ADCY7: variants seen among roughly 807,000 people sequenced by gnomAD.
The protein encoded by ADCY7 is adenylate cyclase type 7.
A neutral mutation model predicts 120.6 loss-of-function variants in ADCY7; 72 were observed. The ratio of observed to expected loss-of-function variants is 0.60; its 90% CI spans 0.49 to 0.73. The LOEUF (loss-of-function observed/expected upper bound fraction) is 0.73, where lower values mean the gene tolerates loss of function less well. ADCY7 is among the 30% of genes least tolerant of loss of function. The probability of loss-of-function intolerance (pLI) is 0.00; values close to 1 mark genes in which losing one functional copy is unlikely to be tolerated. For missense variants in ADCY7, 1,227 were observed against 1,486.0 expected (o/e 0.83, Z 2.87); for synonymous variants, 661 against 628.0 (o/e 1.05, Z -0.78).
In ADCY7 at chr16:50,259,701, T is replaced by G. The variant is rs528520656; in HGVS notation, c.-64+13498T>G. On this transcript the variant is annotated intron_variant, in intron 1 of 4. Transcript: ENST00000564044. Reference sequence around the variant, plus strand: ...AGCAGCAGCGATTTAGGAGGGGCAGTAGCCGCAGGGTGCCGGGTTTAATGG... The same window carrying G: ...AGCAGCAGCGATTTAGGAGGGGCAGGAGCCGCAGGGTGCCGGGTTTAATGG... 3.9e-5 allele frequency among the ~76,000 whole-genome samples: 6 copies of G among 152,310 alleles called. 1 individual carries two copies. In the South Asian group the frequency reaches 1.2e-3, roughly 32 times the overall value.
intron 19 of ADCY7, among the ~76,000 whole-genome samples, 199 bp downstream of exon 19, chr16:50,311,079 G>A (rs1056510308): frequency 4.6e-5 from 7 of 152,154 alleles, no homozygotes; most frequent in Non-Finnish European, 7.4e-5. Flanking sequence ...AGAGGCCACC[G>A]GGTCATCCTG....
At chr16:50,285,216 G>A (rs1364252991) in intron 1 of ADCY7, among the ~76,000 whole-genome samples, 2 of 152,256 alleles carry the variant, frequency 1.3e-5, no homozygotes, top group South Asian at 2.1e-4. Flanking sequence ...CACTTTGACA[G>A]CTCTTGGCCA....
chr16:50,283,067 A>G (rs991161288), intron 1 of ADCY7, among the ~76,000 whole-genome samples: 5 of 151,784 alleles, frequency 3.3e-5, no homozygotes, highest in Admixed American at 6.6e-5. Flanking sequence ...GCAGGGGCAC[A>G]CTCTTACCTC....
rs773092629 is a variant in ADCY7, at chr16:50,310,711, G to A, written c.2185G>A (p.Gly729Ser). The A allele has an allele frequency of 6.2e-7, 1 of 1,614,050 alleles. No individual in the cohort carries two copies. The highest frequency in any genetic ancestry group is 1.1e-5 in the South Asian group (1 of 91,070). Residue 729 changes from glycine to serine, a missense_variant, in exon 19 of 26, where the codon GGC (glycine) becomes AGC (serine). Around this residue, in one of 5 missense-constraint regions of ADCY7, gnomAD observed 267 missense variants for 270.0 expected, o/e 0.99. Coordinates refer to ENST00000673801, the MANE Select transcript of ADCY7 (RefSeq NM_001114.5). ...LPYYTCSCVL[G>S]FIACSVFLRM... ...GTACTACACCTGCAGCTGTGTCCTG[G>A]GCTTCATCGCCTGCTCGGTCTTCCT...
In ADCY7 at chr16:50,290,493, T is replaced by C; in HGVS notation, c.208T>C (p.Phe70Leu). ...SRHQAILGMAFLVLAVFAALS... is the reference protein window; with the variant it reads ...SRHQAILGMALLVLAVFAALS... ...ACACCAGGCCATTCTGGGCATGGCGTTCCTGGTGCTGGCGGTGTTTGCGGC... is the reference window on the plus strand; with the variant it reads ...ACACCAGGCCATTCTGGGCATGGCGCTCCTGGTGCTGGCGGTGTTTGCGGC... Residue 70 changes from phenylalanine to leucine, a missense_variant, in exon 3 of 26, where the codon TTC (phenylalanine) becomes CTC (leucine). By Grantham distance (22) the Phe-to-Leu change is conservative. Transcript: ENST00000673801. The C allele has an allele frequency of 6.2e-7, 1 of 1,614,208 alleles. No homozygotes were observed. Among genetic ancestry groups the C allele is most frequent in the Non-Finnish European group, 8.5e-7 (1 of 1,180,040 alleles).
intron 1 of ADCY7, among the ~76,000 whole-genome samples, chr16:50,258,247 A>G (rs933879694): frequency 2.0e-4 from 30 of 152,148 alleles, no homozygotes; most frequent in Admixed American, 1.6e-3. Context: ...TTAAAAAATA[A>G]TAATAATCAG....
chr16:50,271,084 C>T (rs962961965), intron 1 of ADCY7, among the ~76,000 whole-genome samples: 4 of 152,354 alleles, frequency 2.6e-5, no homozygotes, highest in South Asian at 2.1e-4. Flanking sequence ...AAGCACCCTC[C>T]GTTCCCTGCT....
chr16:50,291,773 C>T lies in ADCY7; in HGVS notation c.413C>T (p.Thr138Ile). ...FFLFIVFVVY[T>I]LLPFSMRGAV... ...CTGTTCATTGTCTTCGTGGTGTACACACTACTGCCCTTCAGCATGCGGGGC... is the reference window on the plus strand; with the variant it reads ...CTGTTCATTGTCTTCGTGGTGTACATACTACTGCCCTTCAGCATGCGGGGC... The change falls in exon 4 of 26, where the codon ACA becomes ATA. Residue 138 changes from threonine (T) to isoleucine (I), a missense_variant. Physicochemically the swap from Thr to Ile is moderately conservative, Grantham distance 89 (BLOSUM62 -1). Transcript: ENST00000673801. 1 of 1,614,164 alleles carries T rather than the reference C, an allele frequency of 6.2e-7. No homozygotes were observed. The highest frequency in any genetic ancestry group is 1.7e-4 in the Middle Eastern group (1 of 6,060).
At chr16:50,295,375 T>TTTTTTTTG (rs2035285005) in intron 7 of ADCY7, among the ~76,000 whole-genome samples, 1 of 123,774 alleles carries the variant, frequency 8.1e-6, no homozygotes. Flanking sequence ...TTTTTTTTTT[T>TTTTTTTTG]GTAGCAATGG....
rs190016227 is a variant in ADCY7, at chr16:50,293,558, C to T, written c.836+56C>T. 4.1e-3 allele frequency: 6,475 copies of T among 1,581,426 alleles called. 15 individuals are homozygous for T. Among genetic ancestry groups the T allele is most frequent in the Non-Finnish European group, 5.0e-3 (5,815 of 1,160,680 alleles). On this transcript the variant is annotated intron_variant, in intron 6 of 25. Transcript: ENST00000673801. The stretch of plus-strand genomic sequence containing the variant: ...CCGGGGACTGGGCCCACCGTTCCAC[C>T]GGCCCCCAGGCGGCCTCCCCGCCCT...
rs2035434086 is a variant in ADCY7 at position 50,297,538 on chromosome 16, A to G, written c.949-1366A>G. Among the ~76,000 whole-genome samples, 1 of 152,190 alleles carries G rather than the reference A, an allele frequency of 6.6e-6. No individual in the cohort carries two copies. On this transcript the variant is annotated intron_variant, in intron 7 of 25. Transcript: ENST00000673801. This position sits in a 1 kb window ranked among gnomAD's most constrained non-coding sequence, Gnocchi z 4.4. ...TGCAGTCACTCAGAACTCACTCAGC[A>G]TGTGCCAGATGGGGCCCAGCAGGAA...
chr16:50,312,434 C>G (rs951622309), intron 21 of ADCY7, among the ~76,000 whole-genome samples: 1 of 152,244 alleles, frequency 6.6e-6, no homozygotes, highest in African/African-American at 2.4e-5. Context: ...GTCTTCACCT[C>G]TGTAAAATGG....
upstream of ADCY7, among the ~76,000 whole-genome samples, chr16:50,263,431 G>A (rs1230692327): frequency 1.3e-5 from 2 of 152,134 alleles, no homozygotes; most frequent in African/African-American, 2.4e-5. Context: ...AGCTGGGCGG[G>A]CAGCCTGGGA....
intron 6 of ADCY7, among the ~76,000 whole-genome samples, chr16:50,293,902 G>T (rs2035168340): frequency 6.6e-6 from 1 of 152,190 alleles, no homozygotes; most frequent in Admixed American, 6.5e-5. Context: ...CCTGTCTTTG[G>T]CTGATTTGCA....
At chr16:50,272,698 G>A (rs1375763315) in intron 1 of ADCY7, among the ~76,000 whole-genome samples, 1 of 152,152 alleles carries the variant, frequency 6.6e-6, no homozygotes, top group African/African-American at 2.4e-5. Flanking sequence ...GGGAGTCTGG[G>A]TCTCCCTCCT....
chr16:50,300,082 T>C (rs1388903204), intron 8 of ADCY7, among the ~76,000 whole-genome samples: 1 of 151,996 alleles, frequency 6.6e-6, no homozygotes, highest in East Asian at 1.9e-4. Flanking sequence ...CAGTAAACTT[T>C]ATTTATTTAT....
rs111646326 is a variant in ADCY7 at position 50,281,101 on chromosome 16, T to A, written c.-268-6811T>A. Among the ~76,000 whole-genome samples the A allele has an allele frequency of 5.2e-3, 785 of 152,242 alleles. 4 individuals are homozygous for A. The highest frequency in any genetic ancestry group is 8.9e-3 in the African/African-American group (368 of 41,544). On this transcript the variant is annotated intron_variant, in intron 1 of 25. Coordinates refer to ENST00000673801, the MANE Select transcript of ADCY7 (RefSeq NM_001114.5). The stretch of plus-strand genomic sequence containing the variant: ...GGGGCCTGCCCACTCTGCACCTGCC[T>A]CTCCCTGGACCCCATGGTTGGGCTC...
At chr16:50,313,679 C>T (rs1209341245) in intron 22 of ADCY7, 2 of 380,780 alleles carry the variant, frequency 5.3e-6, no homozygotes, top group African/African-American at 4.1e-5. Flanking sequence ...AAAGAATCTA[C>T]ATTCCTGTGT....
At chr16:50,262,222 A>C (rs2033077388), upstream of ADCY7, among the ~76,000 whole-genome samples, 1 of 150,402 alleles carries the variant, frequency 6.6e-6, no homozygotes, top group Non-Finnish European at 1.5e-5. Flanking sequence ...TCTGGGCCAC[A>C]TATGCCTGGA....
Sources: allele counts gnomAD v4.1 joint callset (sites outside exome capture counted in the v4.1 genomes callset), GRCh38; gene constraint gnomAD v4.1.1; regional missense constraint gnomAD v4.1.1; non-coding constraint Gnocchi (gnomAD v3.1); transcripts MANE v1.5; gene names NCBI Gene and HGNC (gene_info 2026-07-23, HGNC 2026-07-21).